Variants in PTK2 observed in about 807,000 individuals in gnomAD.
PTK2 encodes protein tyrosine kinase 2, also known as focal adhesion kinase 1.
PTK2 carries 45 observed loss-of-function variants against 150.1 expected under a neutral mutation model. The ratio of observed to expected loss-of-function variants is 0.30; its 90% CI spans 0.24 to 0.38. The LOEUF is 0.38. Ranked by LOEUF, PTK2 falls within the 10% of genes least tolerant of loss-of-function variation. PTK2 has a pLI of 1.00. For synonymous variants in PTK2, 432 were observed against 449.2 expected (o/e 0.96, Z 0.48); for missense variants, 919 against 1,307.3 (o/e 0.70, Z 4.58).
upstream of PTK2, chr8:141,001,485 C>T (rs568899567): frequency 1.9e-3 from 285 of 152,396 alleles, no homozygotes; most frequent in Non-Finnish European, 2.4e-3. Context: ...GCCGGGGTTT[C>T]GGGGTGGCCC....
At chr8:140,733,871 T>C (rs537773856) in intron 22 of PTK2, among the ~76,000 whole-genome samples, 84 of 152,280 alleles carry the variant, frequency 5.5e-4, no homozygotes, top group Non-Finnish European at 1.1e-3. Context: ...GTCTTTCCAA[T>C]GTGGGGCTCA....
At chr8:140,873,135 G>T (rs1480129656) in intron 4 of PTK2, among the ~76,000 whole-genome samples, 1 of 152,208 alleles carries the variant, frequency 6.6e-6, no homozygotes, top group Non-Finnish European at 1.5e-5. Context: ...GAACTTGAAA[G>T]GGAACTGCAG....
intron 29 of PTK2, 125 bp downstream of exon 32, chr8:140,674,173 G>T: frequency 1.0e-6 from 1 of 984,218 alleles, no homozygotes; most frequent in Non-Finnish European, 1.6e-6. Context: ...TCTCACTGCA[G>T]TTCCACTCTG....
In PTK2 at chr8:140,942,627, C is replaced by T. The variant is rs72685784; in HGVS notation, c.-121-16878G>A. 5.5e-3 allele frequency among the ~76,000 whole-genome samples: 305 copies of T among 55,414 alleles called. 2 individuals are homozygous for T. The highest frequency in any genetic ancestry group is 0.041 in the Admixed American group (253 of 6,178). The allele number at this position is 55,414 out of a possible 152,430, so 36.4% of individuals were successfully genotyped here. A position where few individuals can be genotyped will look rare whatever the true frequency, so the allele number is the denominator to read the frequency against. Reference sequence around the variant, plus strand: ...AAATTTGAGCTCTAATGAGTGCGTGCGTGTGTGTGTGTGTGTGTGCGCGCA... The same window carrying T: ...AAATTTGAGCTCTAATGAGTGCGTGTGTGTGTGTGTGTGTGTGTGCGCGCA... On this transcript the variant is annotated intron_variant, in intron 1 of 31. Transcript: ENST00000522684.
At chr8:140,727,229 C>T (rs1207537975) in intron 22 of PTK2, among the ~76,000 whole-genome samples, 1 of 151,262 alleles carries the variant, frequency 6.6e-6, no homozygotes. Flanking sequence ...TGGGTGAGAA[C>T]CAAAAAGGGG....
At chr8:140,680,148 G>C (rs1311340635) in intron 27 of PTK2, among the ~76,000 whole-genome samples, 3 of 152,216 alleles carry the variant, frequency 2.0e-5, no homozygotes, top group African/African-American at 7.2e-5. Flanking sequence ...TTAGCACTAA[G>C]CACTCTTACT....
chr8:140,756,920 C>T (rs559324018), intron 16 of PTK2, among the ~76,000 whole-genome samples: 5 of 150,574 alleles, frequency 3.3e-5, no homozygotes, highest in African/African-American at 7.3e-5. Flanking sequence ...ACCCGGGAGG[C>T]GGAGCTTGCA....
chr8:140,957,137 T>C (rs2100181480), intron 1 of PTK2, among the ~76,000 whole-genome samples: 1 of 152,092 alleles, frequency 6.6e-6, no homozygotes, highest in Admixed American at 6.6e-5. Flanking sequence ...AGAATATGGA[T>C]ATAAAGAAAA....
intron 1 of PTK2, among the ~76,000 whole-genome samples, chr8:140,999,679 G>C (rs2100199224): frequency 6.6e-6 from 1 of 152,168 alleles, no homozygotes; most frequent in African/African-American, 2.4e-5. Flanking sequence ...CTGCTCATAA[G>C]TTTTCAAATA....
intron 22 of PTK2, among the ~76,000 whole-genome samples, chr8:140,726,153 T>G (rs771354540): frequency 2.0e-5 from 3 of 151,960 alleles, no homozygotes; most frequent in Non-Finnish European, 4.4e-5. Context: ...TTAGGGTACC[T>G]GAAGGTAAGT....
intron 3 of PTK2, among the ~76,000 whole-genome samples, chr8:140,886,944 T>C (rs557483206): frequency 1.3e-4 from 20 of 152,196 alleles, no homozygotes; most frequent in Non-Finnish European, 2.6e-4. Flanking sequence ...CTGGTCTTAT[T>C]CAACATTGTA....
At chr8:140,798,845 G>A (rs1254577745) in intron 12 of PTK2, among the ~76,000 whole-genome samples, 3 of 151,994 alleles carry the variant, frequency 2.0e-5, no homozygotes, top group Admixed American at 1.3e-4. Context: ...TATAAAGTGC[G>A]ACACTGGAAG....
intron 24 of PTK2, among the ~76,000 whole-genome samples, chr8:140,704,524 T>C (rs554744453): frequency 6.6e-6 from 1 of 152,306 alleles, no homozygotes; most frequent in South Asian, 2.1e-4. Context: ...CAAAGAGAAC[T>C]GTCTCTCTGC....
rs552387445 is a variant in PTK2, at chr8:140,931,168, CT to C, written c.-121-5420del. Reference sequence around the variant, plus strand: ...CAATGAACCATAAACATCACCCCCCCTTCACCCTATTTTCTTTCCATCACAT... The same window carrying C: ...CAATGAACCATAAACATCACCCCCCCTCACCCTATTTTCTTTCCATCACAT... On this transcript the variant is annotated intron_variant, in intron 1 of 31. Transcript: ENST00000522684. Among the ~76,000 whole-genome samples the C allele has an allele frequency of 2.0e-4, 30 of 152,238 alleles. No homozygotes were observed. The East Asian group carries it at 4.8e-3, about 24-fold the overall frequency.
intron 14 of PTK2, among the ~76,000 whole-genome samples, chr8:140,783,098 G>A (rs1329856586): frequency 6.6e-6 from 1 of 151,910 alleles, no homozygotes; most frequent in African/African-American, 2.4e-5. Context: ...AAAATTTGCT[G>A]GGCATGGTGG....
rs1007425556 is a variant in PTK2, at chr8:140,789,587, C to T, written c.1125-61G>A. On this transcript the variant is annotated intron_variant, in intron 13 of 31. Coordinates refer to ENST00000522684, the Ensembl canonical transcript of PTK2. ...ATTTCCCCAGGACCCCGCAACTCGG[C>T]CTCATCAAGTGGGGAACTGCCTTGG... 5.8e-6 allele frequency: 9 copies of T among 1,546,560 alleles called. No individual in the cohort carries two copies. The Admixed American group carries it at 1.7e-4, about 29-fold the overall frequency.
chr8:140,758,719 T>C (rs2100067380), intron 16 of PTK2, among the ~76,000 whole-genome samples: 1 of 152,144 alleles, frequency 6.6e-6, no homozygotes, highest in South Asian at 2.1e-4. Context: ...TAAGGTTAAT[T>C]TAGTATTAAG....
At chr8:140,912,060 T>C (rs995810361) in intron 2 of PTK2, among the ~76,000 whole-genome samples, 1 of 151,998 alleles carries the variant, frequency 6.6e-6, no homozygotes, top group African/African-American at 2.4e-5. Flanking sequence ...AAACGAGACC[T>C]TGGCTCTACA....
At chr8:140,755,982 T>C (rs907641719) in intron 16 of PTK2, among the ~76,000 whole-genome samples, 1 of 152,100 alleles carries the variant, frequency 6.6e-6, no homozygotes, top group Non-Finnish European at 1.5e-5. Context: ...ACTATAAAAT[T>C]AGACTCCCAC....
Sources: gnomAD v4.1 joint callset for allele counts (sites outside exome capture counted in the v4.1 genomes callset) on GRCh38, gnomAD v4.1.1 for gene constraint, MANE v1.5 for transcripts, NCBI Gene and HGNC (gene_info 2026-07-23, HGNC 2026-07-21) for gene names.